Variants in GRIP2 observed in about 807,000 individuals in gnomAD.
The protein encoded by GRIP2 is glutamate receptor-interacting protein 2.
In GRIP2, 58 loss-of-function variants were observed where a neutral mutation model predicts 108.3. The ratio of observed to expected loss-of-function variants is 0.54; its 90% confidence interval spans 0.43 to 0.67. The LOEUF is 0.67. Ranked by LOEUF, GRIP2 falls within the 30% of genes least tolerant of loss-of-function variation. GRIP2 has a pLI of 0.00. For synonymous variants in GRIP2, 586 were observed against 598.2 expected, an observed-to-expected ratio of 0.98 and a Z score of 0.30; for missense variants, 1,278 against 1,430.6, an observed-to-expected ratio of 0.89 and a Z score of 1.72.
chr3:14,538,193 G>T (rs1415054489), intron 1 of GRIP2, among the ~76,000 whole-genome samples: 1 of 152,184 alleles, frequency 6.6e-6, no homozygotes, highest in African/African-American at 2.4e-5. Flanking sequence ...CTGCCAGTGG[G>T]CTGACTTCTC....
intron 1 of GRIP2, among the ~76,000 whole-genome samples, chr3:14,529,294 A>G (rs1323921512): frequency 3.7e-5 from 2 of 54,560 alleles, no homozygotes; most frequent in East Asian, 2.1e-3. Context: ...AAAAAAAAAA[A>G]AAAAAAAAGG....
At chr3:14,550,416 G>A (rs1695128260) in intron 1 of GRIP2, among the ~76,000 whole-genome samples, 1 of 152,054 alleles carries the variant, frequency 6.6e-6, no homozygotes, top group African/African-American at 2.4e-5. Flanking sequence ...ACTCACTGCT[G>A]GCCATCCCAC....
chr3:14,541,397 G>A (rs942748802), upstream of GRIP2, among the ~76,000 whole-genome samples: 8 of 152,320 alleles, frequency 5.3e-5, no homozygotes, highest in Admixed American at 2.6e-4. Flanking sequence ...TCCTGACCGC[G>A]TGGGAACACA....
the GRIP2 span, among the ~76,000 whole-genome samples, chr3:14,595,239 G>A: frequency 5.9e-5 from 9 of 152,070 alleles, no homozygotes; most frequent in Non-Finnish European, 1.3e-4. Context: ...TGTTGCCCAG[G>A]CTGGTCTAGA....
At chr3:14,496,676 G>T in intron 21 of GRIP2, 116 bp from the exon 22 acceptor site, 2 of 1,387,608 alleles carry the variant, frequency 1.4e-6, no homozygotes, top group Non-Finnish European at 1.9e-6. Flanking sequence ...GAACAGGACA[G>T]ACATGGTCCC....
the GRIP2 span, among the ~76,000 whole-genome samples, chr3:14,569,119 C>A: frequency 6.6e-6 from 1 of 152,206 alleles, no homozygotes; most frequent in Admixed American, 6.5e-5. Flanking sequence ...GCCCAGACGC[C>A]CCCGCCTTAT....
chr3:14,573,398 G>T, the GRIP2 span: 1 of 1,339,180 alleles, frequency 7.5e-7, no homozygotes, highest in Middle Eastern at 1.8e-4. Context: ...TCTGGAAGCA[G>T]ATGGACACCA....
Position 14,522,224 on chromosome 3 carries a change from T to G in GRIP2, c.567-437A>C. The G allele has an allele frequency of 6.3e-6, 1 of 158,386 alleles. No individual in the cohort carries two copies. The highest frequency in any genetic ancestry group is 1.4e-5 in the Non-Finnish European group (1 of 72,512). 9.8% of individuals were successfully genotyped at this position (158,386 alleles called of 1,614,324 possible). On this transcript the variant is annotated intron_variant, in intron 6 of 23. Coordinates refer to ENST00000621039, the MANE Select transcript of GRIP2 (RefSeq NM_001080423.4). This position sits in a 1 kb window ranked among gnomAD's most constrained non-coding sequence, Gnocchi z 4.3. ...TCTGAGCCGTCCTGGTCCCTTCCCA[T>G]TGCTCCACCCTCACCCTGGTTTCTC...
chr3:14,530,883 T>C (rs1694692658), intron 1 of GRIP2: 1 of 152,240 alleles, frequency 6.6e-6, no homozygotes, highest in Non-Finnish European at 1.5e-5. Flanking sequence ...TAAATCTTTT[T>C]AGTTATTTTT....
At chr3:14,551,450 G>T (rs947435934) in intron 1 of GRIP2, among the ~76,000 whole-genome samples, 1 of 152,190 alleles carries the variant, frequency 6.6e-6, no homozygotes, top group African/African-American at 2.4e-5. Context: ...GCTCCACTCT[G>T]GGCTCTGCTC....
rs187731292 is a variant in GRIP2 at position 14,529,857 on chromosome 3, A to G, written c.41-3926T>C. Among the ~76,000 whole-genome samples, 149 of 152,224 alleles carry G rather than the reference A, an allele frequency of 9.8e-4. 2 individuals carry two copies. The highest frequency in any genetic ancestry group is 7.4e-5 in the Non-Finnish European group (5 of 68,014). On this transcript the variant is annotated intron_variant, in intron 1 of 23. Transcript: ENST00000621039. ...GTAGTGCTTCAACTGTGGGAATTCT[A>G]TTCAGCCTGGTTGTAGGGCTCCAGG...
rs142065950 is a variant in GRIP2 at position 14,521,933 on chromosome 3, C to T, written c.567-146G>A. 9.1e-5 allele frequency: 64 copies of T among 699,738 alleles called. No homozygotes were observed. Among genetic ancestry groups the T allele is most frequent in the East Asian group, 6.7e-4 (22 of 32,688 alleles). The allele number at this position is 699,738 out of a possible 1,614,324, so 43.3% of individuals were successfully genotyped here. A position where few individuals can be genotyped will look rare whatever the true frequency, so the allele number is the denominator to read the frequency against. Reference sequence around the variant, plus strand: ...GGGGAGGAGGGGACGGGTGAAGGGGCGCATGAGTGAGTGAAGGAATGAGCC... The same window carrying T: ...GGGGAGGAGGGGACGGGTGAAGGGGTGCATGAGTGAGTGAAGGAATGAGCC... On this transcript the variant is annotated intron_variant, in intron 6 of 23. Transcript: ENST00000621039. The surrounding 1 kb of genome is among the most constrained non-coding windows in gnomAD (Gnocchi z 5.1).
At position 14,524,343 on chromosome 3, in the gene GRIP2, C is replaced by T. The variant is rs779741435; in HGVS notation, c.403+50G>A. 1.9e-6 allele frequency: 3 copies of T among 1,576,256 alleles called. No homozygotes were observed. The East Asian group carries it at 6.9e-5, about 36-fold the overall frequency. The stretch of plus-strand genomic sequence containing the variant: ...GGCCCTGGTGGGGAGGTAGCCGTGT[C>T]CACCCGCAACCGAGGCAGTGGAGAA... On this transcript the variant is annotated intron_variant, in intron 4 of 23. Transcript: ENST00000621039.
chr3:14,568,038 A>C, the GRIP2 span, among the ~76,000 whole-genome samples: 4 of 152,122 alleles, frequency 2.6e-5, no homozygotes, highest in Admixed American at 2.6e-4. Context: ...GCCAGGGCTG[A>C]AGCTGAGTGA....
At position 14,532,686 on chromosome 3, in the gene GRIP2, T is replaced by A. The variant is rs578076316; in HGVS notation, c.41-6755A>T. ...GTTAGGGGAGGGGGTTCAACCTGGG[T>A]CTGGGCCAGGCTCAGCCTGAGTTAA... On this transcript the variant is annotated intron_variant, in intron 1 of 23. Transcript: ENST00000621039. Among the ~76,000 whole-genome samples the A allele has an allele frequency of 3.9e-5, 6 of 151,922 alleles. No homozygotes were observed. The South Asian group carries it at 1.2e-3, about 32-fold the overall frequency.
At position 14,525,603 on chromosome 3, in the gene GRIP2, G is replaced by A. The variant is rs527480610; in HGVS notation, c.122-31C>T. On this transcript the variant is annotated intron_variant, in intron 2 of 23. Transcript: ENST00000621039. ...AACAGATGGGGATGGGGGCTTGAGC[G>A]GGCAGCTGGGGCCACCCCAGGCCCC... The A allele has an allele frequency of 5.1e-5, 82 of 1,612,246 alleles. 1 individual carries two copies. Among genetic ancestry groups the A allele is most frequent in the South Asian group, 4.4e-4 (40 of 90,918 alleles).
intron 17 of GRIP2, among the ~76,000 whole-genome samples, chr3:14,508,941 A>C (rs1354480383): frequency 6.6e-6 from 1 of 152,192 alleles, no homozygotes; most frequent in Non-Finnish European, 1.5e-5. Flanking sequence ...CGAAGGCAGG[A>C]GGGTTGTCTG....
At chr3:14,544,911 T>G (rs540986896), upstream of GRIP2, among the ~76,000 whole-genome samples, 2 of 152,290 alleles carry the variant, frequency 1.3e-5, no homozygotes, top group East Asian at 3.9e-4. Flanking sequence ...CTGTCCAAGG[T>G]ATTCCACATC....
At chr3:14,542,628 A>T (rs1476133594), upstream of GRIP2, among the ~76,000 whole-genome samples, 1 of 152,186 alleles carries the variant, frequency 6.6e-6, no homozygotes, top group African/African-American at 2.4e-5. Context: ...TGGAAAGGTC[A>T]TGCCGTGGAT....
Sources: gnomAD v4.1 joint callset for allele counts (sites outside exome capture counted in the v4.1 genomes callset) on GRCh38, gnomAD v4.1.1 for gene constraint, Gnocchi (gnomAD v3.1) non-coding constraint, MANE v1.5 for transcripts, NCBI Gene and HGNC (gene_info 2026-07-23, HGNC 2026-07-21) for gene names.